PINX1: variants seen among roughly 807,000 people sequenced by gnomAD.
PINX1 encodes the protein PIN2 (TERF1) interacting telomerase inhibitor 1, also known as PIN2/TERF1-interacting telomerase inhibitor 1.
PINX1 carries 34 observed loss-of-function variants against 25.4 expected under a neutral mutation model. That is an observed-to-expected ratio of 1.34 (90% confidence interval 1.02 to 1.78). PINX1 has a LOEUF of 1.78. PINX1 is among the 40% of genes most tolerant of loss of function. The pLI is 0.00. For synonymous variants in PINX1, 197 were observed against 147.7 expected (o/e 1.33, Z -2.42); for missense variants, 592 against 404.9 (o/e 1.46, Z -3.97).
intron 6 of PINX1, among the ~76,000 whole-genome samples, chr8:10,790,500 C>T (rs981780571): frequency 1.8e-4 from 27 of 152,166 alleles, no homozygotes; most frequent in African/African-American, 6.5e-4. Flanking sequence ...CCCTGCCGTG[C>T]GCTCCTCTCC....
intron 6 of PINX1, among the ~76,000 whole-genome samples, chr8:10,797,571 A>T (rs1802126528): frequency 6.6e-6 from 1 of 152,250 alleles, no homozygotes. Flanking sequence ...GAATATATGT[A>T]AGCCACTATT....
At chr8:10,776,605 T>G (rs2129072685) in intron 6 of PINX1, among the ~76,000 whole-genome samples, 2 of 152,160 alleles carry the variant, frequency 1.3e-5, no homozygotes, top group South Asian at 4.2e-4. Context: ...GAATCAAAAC[T>G]GAACTCCCGC....
At chr8:10,799,489 C>T (rs995380463) in intron 6 of PINX1, among the ~76,000 whole-genome samples, 3 of 152,202 alleles carry the variant, frequency 2.0e-5, no homozygotes, top group African/African-American at 7.2e-5. Context: ...AGACCTGCCA[C>T]CAAAGATTCC....
chr8:10,804,061 G>A (rs1297701875), intron 6 of PINX1, among the ~76,000 whole-genome samples: 1 of 152,180 alleles, frequency 6.6e-6, no homozygotes, highest in Non-Finnish European at 1.5e-5. Flanking sequence ...CCCTGAGCCA[G>A]GGCCTATGAA....
At chr8:10,799,943 C>A (rs1802213204) in intron 6 of PINX1, among the ~76,000 whole-genome samples, 1 of 152,200 alleles carries the variant, frequency 6.6e-6, no homozygotes, top group Non-Finnish European at 1.5e-5. Context: ...CACTAGCTGA[C>A]TGCTAAGGCT....
intron 6 of PINX1, among the ~76,000 whole-genome samples, chr8:10,810,553 A>C (rs1350026652): frequency 1.3e-5 from 2 of 152,190 alleles, no homozygotes; most frequent in East Asian, 3.9e-4. Flanking sequence ...AACCTTATTG[A>C]GAACCCACTC....
chr8:10,829,176 C>T (rs536975525), intron 4 of PINX1, among the ~76,000 whole-genome samples: 1 of 151,090 alleles, frequency 6.6e-6, no homozygotes, highest in South Asian at 2.1e-4. Context: ...ATCCCAGCTA[C>T]TCAGGAGGCT....
rs187551856 is a variant in PINX1, at chr8:10,804,424, G to T, written c.471+15769C>A. 9.3e-4 allele frequency among the ~76,000 whole-genome samples: 142 copies of T among 152,296 alleles called. No homozygotes were observed. The Middle Eastern group carries it at 0.01, about 11-fold the overall frequency. ...GAGCCCCGGGAGGTCCGTACCAGGA[G>T]CCAGCAAGCATCGGCATCAGGGAAG... is the stretch of plus-strand genomic sequence containing the variant. On this transcript the variant is annotated intron_variant, in intron 6 of 6. Transcript: ENST00000314787.
intron 6 of PINX1, among the ~76,000 whole-genome samples, chr8:10,808,214 G>T (rs1802516906): frequency 6.6e-6 from 1 of 152,182 alleles, no homozygotes; most frequent in Non-Finnish European, 1.5e-5. Context: ...TAAAGGCCCA[G>T]ATCTTAATCT....
intron 4 of PINX1, among the ~76,000 whole-genome samples, chr8:10,831,097 G>T (rs368817836): frequency 1.3e-5 from 2 of 152,216 alleles, no homozygotes; most frequent in Non-Finnish European, 2.9e-5. Flanking sequence ...ACACACCACG[G>T]AATACTATTT....
chr8:10,828,018 G>A (rs1586205104), intron 4 of PINX1, among the ~76,000 whole-genome samples: 1 of 151,916 alleles, frequency 6.6e-6, no homozygotes, highest in South Asian at 2.1e-4. Flanking sequence ...ACAAGCACGT[G>A]TCCATTCAAC....
At chr8:10,825,994 CCA>C (rs952492239) in intron 5 of PINX1, among the ~76,000 whole-genome samples, 156 bp downstream of exon 5, 1 of 152,270 alleles carries the variant, frequency 6.6e-6, no homozygotes, top group Admixed American at 6.5e-5. Flanking sequence ...CTCAGGCACA[CCA>C]CAGTCAATGC....
chr8:10,771,816 C>G (rs762410858), intron 6 of PINX1, among the ~76,000 whole-genome samples: 1 of 152,222 alleles, frequency 6.6e-6, no homozygotes, highest in Non-Finnish European at 1.5e-5. Context: ...AAACCACCCC[C>G]TTCTCATCAG....
At chr8:10,807,212 T>C (rs1479586619) in intron 6 of PINX1, among the ~76,000 whole-genome samples, 1 of 151,732 alleles carries the variant, frequency 6.6e-6, no homozygotes, top group Non-Finnish European at 1.5e-5. Flanking sequence ...CAGGACATTA[T>C]TAAAAAATAA....
intron 1 of PINX1, among the ~76,000 whole-genome samples, chr8:10,837,698 C>T (rs1425668521): frequency 6.6e-6 from 1 of 152,118 alleles, no homozygotes; most frequent in Non-Finnish European, 1.5e-5. Flanking sequence ...GGGGCAAATC[C>T]AATAAAAACC....
chr8:10,836,687 G>GC (rs1798416590), intron 1 of PINX1, among the ~76,000 whole-genome samples: 2 of 103,106 alleles, frequency 1.9e-5, no homozygotes, highest in South Asian at 5.7e-4. Flanking sequence ...CAAGGATGTT[G>GC]GGGGGGCGGG....
At chr8:10,787,209 G>GCACACA (rs575271024) in intron 6 of PINX1, among the ~76,000 whole-genome samples, 73 of 147,648 alleles carry the variant, frequency 4.9e-4, no homozygotes, top group African/African-American at 1.9e-3. Flanking sequence ...CATATTTTAT[G>GCACACA]CACACACACA....
At chr8:10,837,107 G>T (rs577358601) in intron 1 of PINX1, among the ~76,000 whole-genome samples, 1 of 152,222 alleles carries the variant, frequency 6.6e-6, no homozygotes. Context: ...CGCAGAACTG[G>T]TAAGAGTGGC....
At chr8:10,779,056 C>G (rs11785466) in intron 6 of PINX1, among the ~76,000 whole-genome samples, 1 of 152,172 alleles carries the variant, frequency 6.6e-6, no homozygotes, top group East Asian at 1.9e-4. Context: ...AATTACGCTT[C>G]CATTTTGGAA....
Sources: allele counts gnomAD v4.1 joint callset (sites outside exome capture counted in the v4.1 genomes callset), GRCh38; gene constraint gnomAD v4.1.1; transcripts MANE v1.5; gene names NCBI Gene and HGNC (gene_info 2026-07-23, HGNC 2026-07-21).